The following DRC8 variants were observed in gnomAD, a reference collection of about 807,000 sequenced individuals.
DRC8 encodes dynein regulatory complex subunit 8.
At chr1:245,077,836 AAG>A in the DRC8 span, among the ~76,000 whole-genome samples, 1 of 152,226 alleles carries the variant, frequency 6.6e-6, no homozygotes, top group Non-Finnish European at 1.5e-5. Context: ...ATATGATACT[AAG>A]AGCACAGGCA....
the DRC8 span, among the ~76,000 whole-genome samples, chr1:244,993,500 A>G: frequency 6.6e-6 from 1 of 152,192 alleles, no homozygotes; most frequent in South Asian, 2.1e-4. Context: ...TAGACCTGTG[A>G]ACTAGAGAGA....
At chr1:245,069,336 A>G in the DRC8 span, among the ~76,000 whole-genome samples, 2,194 of 152,294 alleles carry the variant, frequency 0.014, 46 homozygotes, top group African/African-American at 0.05. Context: ...AAGCAAAAAT[A>G]TAGTTACTAT....
the DRC8 span, among the ~76,000 whole-genome samples, chr1:245,071,984 ACT>A: frequency 6.6e-6 from 1 of 152,192 alleles, no homozygotes; most frequent in East Asian, 1.9e-4. Flanking sequence ...AGCAGCAGGA[ACT>A]CTCCTTCACC....
the DRC8 span, among the ~76,000 whole-genome samples, chr1:244,988,263 C>T: frequency 6.6e-5 from 10 of 152,038 alleles, no homozygotes; most frequent in African/African-American, 1.7e-4. Flanking sequence ...GCGATCCTCC[C>T]GCCTTAGCCT....
the DRC8 span, among the ~76,000 whole-genome samples, chr1:245,104,942 C>A: frequency 2.0e-5 from 3 of 152,172 alleles, no homozygotes; most frequent in African/African-American, 7.2e-5. Flanking sequence ...TTAACTTTCC[C>A]TCCCCTTTTG....
chr1:245,090,729 C>T, the DRC8 span, among the ~76,000 whole-genome samples: 21 of 151,420 alleles, frequency 1.4e-4, no homozygotes, highest in African/African-American at 4.4e-4. Flanking sequence ...CTCTGGCCTA[C>T]GTGTCTTTGT....
the DRC8 span, chr1:244,970,912 T>G: frequency 5.3e-6 from 1 of 187,434 alleles, no homozygotes. Flanking sequence ...CACTCTCGCC[T>G]GGGGTCTCGG....
chr1:245,120,169 T>A, the DRC8 span, among the ~76,000 whole-genome samples: 2 of 152,072 alleles, frequency 1.3e-5, no homozygotes, highest in East Asian at 3.9e-4. Context: ...AAAAACTAAT[T>A]TTTTTTTATA....
the DRC8 span, among the ~76,000 whole-genome samples, chr1:245,077,664 T>C: frequency 6.6e-6 from 1 of 152,198 alleles, no homozygotes; most frequent in Admixed American, 6.5e-5. Context: ...GGAAAACTGT[T>C]ATTTACATGG....
the DRC8 span, chr1:245,125,194 A>C: frequency 1.3e-5 from 2 of 152,170 alleles, no homozygotes; most frequent in African/African-American, 4.8e-5. Flanking sequence ...AGCATCCATG[A>C]TATTCGCCCA....
At chr1:245,033,781 G>A in the DRC8 span, among the ~76,000 whole-genome samples, 2 of 151,678 alleles carry the variant, frequency 1.3e-5, no homozygotes, top group African/African-American at 4.8e-5. Context: ...GAGTGCAGTG[G>A]CGCAATCTCG....
the DRC8 span, chr1:244,971,108 C>T: frequency 6.5e-6 from 1 of 152,960 alleles, no homozygotes; most frequent in African/African-American, 2.4e-5. Context: ...GGAGGACGGT[C>T]TGGAGGTCAC....
the DRC8 span, among the ~76,000 whole-genome samples, chr1:244,997,503 CT>C: frequency 2.0e-5 from 3 of 146,842 alleles, no homozygotes; most frequent in Non-Finnish European, 4.5e-5. Flanking sequence ...AAAAATTCTT[CT>C]TCCTTTGAAA....
chr1:245,012,239 G>T, the DRC8 span, among the ~76,000 whole-genome samples: 2 of 151,770 alleles, frequency 1.3e-5, no homozygotes, highest in Non-Finnish European at 2.9e-5. Flanking sequence ...AGAGATGGAA[G>T]GATAAAATTA....
At chr1:245,115,679 G>A in the DRC8 span, among the ~76,000 whole-genome samples, 1 of 152,216 alleles carries the variant, frequency 6.6e-6, no homozygotes, top group Non-Finnish European at 1.5e-5. Context: ...CATAGGGCTG[G>A]CTGTCTAGTG....
the DRC8 span, among the ~76,000 whole-genome samples, chr1:244,979,971 G>A: frequency 2.1e-5 from 3 of 145,594 alleles, no homozygotes; most frequent in Non-Finnish European, 4.5e-5. Context: ...TTGGGAGGCC[G>A]AGGCAGGTGG....
At chr1:244,970,737 CCTCCCGCCCTCTT>C in the DRC8 span, 1 of 466,084 alleles carries the variant, frequency 2.1e-6, no homozygotes, top group Non-Finnish European at 3.7e-6. Flanking sequence ...TCTTCTTTCT[CCTCCCGCCCTCTT>C]CACCCTCTTC....
the DRC8 span, among the ~76,000 whole-genome samples, chr1:244,990,101 A>G: frequency 6.4e-4 from 97 of 152,342 alleles, no homozygotes; most frequent in Non-Finnish European, 1.2e-3. Flanking sequence ...CTCCCAAGGC[A>G]GGTGCTCTTC....
the DRC8 span, chr1:245,087,768 T>C: frequency 1.0e-6 from 1 of 980,442 alleles, no homozygotes; most frequent in African/African-American, 1.7e-5. Context: ...AGGCTTCTTT[T>C]TTAAACAATA....
Sources: gnomAD v4.1 joint callset for allele counts (sites outside exome capture counted in the v4.1 genomes callset) on GRCh38, gnomAD v4.1.1 for gene constraint, MANE v1.5 for transcripts, NCBI Gene and HGNC (gene_info 2026-07-23, HGNC 2026-07-21) for gene names.